Variants in DNAAF1 observed in about 807,000 individuals in gnomAD.
DNAAF1 encodes dynein axonemal assembly factor 1, also known as dynein assembly factor 1, axonemal.
Under a neutral mutation model 71.1 loss-of-function variants are expected in DNAAF1, and 65 were observed. The ratio of observed to expected loss-of-function variants is 0.91; its 90% CI spans 0.75 to 1.12. The LOEUF is 1.12. DNAAF1 is among the 50% of genes most tolerant of loss of function. DNAAF1 has a pLI of 0.00. For missense variants in DNAAF1, 1,178 were observed against 899.8 expected (o/e 1.31, Z -3.96); for synonymous variants, 414 against 354.6 (o/e 1.17, Z -1.88).
intron 8 of DNAAF1, among the ~76,000 whole-genome samples, chr16:84,171,556 G>T (rs1012229485): frequency 2.0e-5 from 3 of 152,230 alleles, no homozygotes; most frequent in African/African-American, 7.2e-5. Context: ...TTATGAAACT[G>T]CACAAGCTCT....
intron 5 of DNAAF1, chr16:84,159,104 TGGCAG>T (rs2151232751): frequency 1.0e-6 from 1 of 992,734 alleles, no homozygotes; most frequent in Admixed American, 5.7e-5. Flanking sequence ...TGGGGGAGGA[TGGCAG>T]GTCGGATTGC....
chr16:84,170,749 T>C (rs754479921), intron 8 of DNAAF1, among the ~76,000 whole-genome samples: 5 of 152,012 alleles, frequency 3.3e-5, no homozygotes, highest in Non-Finnish European at 5.9e-5. Flanking sequence ...AGAGGATTGC[T>C]TGAGCCCCAG....
At chr16:84,174,042 T>G in intron 9 of DNAAF1, 1 of 252,618 alleles carries the variant, frequency 4.0e-6, no homozygotes, top group Non-Finnish European at 6.5e-6. Flanking sequence ...CAGTACATAC[T>G]ATTATCATCC....
chr16:84,171,238 C>T (rs944057816), intron 8 of DNAAF1, among the ~76,000 whole-genome samples: 7 of 152,220 alleles, frequency 4.6e-5, no homozygotes, highest in Admixed American at 2.0e-4. Context: ...GAGTTCGAGA[C>T]CAGCCTGGCC....
intron 6 of DNAAF1, among the ~76,000 whole-genome samples, chr16:84,163,351 C>G (rs1435283552): frequency 1.3e-5 from 2 of 151,076 alleles, no homozygotes; most frequent in African/African-American, 2.4e-5. Context: ...TTCGGGTTGC[C>G]TGTCTTTTTT....
chr16:84,166,763 A>G (rs2088030195), intron 7 of DNAAF1, among the ~76,000 whole-genome samples: 1 of 152,212 alleles, frequency 6.6e-6, no homozygotes, highest in African/African-American at 2.4e-5. Flanking sequence ...AACCTCAAAC[A>G]GTGATGAGCT....
chr16:84,173,789 G>A (rs150257355), intron 9 of DNAAF1: 2,000 of 153,526 alleles, frequency 0.013, 23 homozygotes, highest in African/African-American at 0.022. Context: ...CCTGGGAGGC[G>A]GAGGTTGCAG....
chr16:84,147,225 G>A (rs780896270), intron 1 of DNAAF1, among the ~76,000 whole-genome samples: 4 of 152,132 alleles, frequency 2.6e-5, no homozygotes, highest in Non-Finnish European at 4.4e-5. Flanking sequence ...TATATTGAGC[G>A]CTTATTCTTT....
At chr16:84,175,909 A>G (rs778817925) in intron 10 of DNAAF1, 24 bp from the exon 11 acceptor site, 1 of 1,613,268 alleles carries the variant, frequency 6.2e-7, no homozygotes, top group Non-Finnish European at 8.5e-7. Context: ...AGAAACTTTC[A>G]GACACCTTTT....
intron 6 of DNAAF1, among the ~76,000 whole-genome samples, chr16:84,161,510 G>A (rs1419825865): frequency 6.6e-6 from 1 of 152,090 alleles, no homozygotes; most frequent in Non-Finnish European, 1.5e-5. Flanking sequence ...GATTACAGGC[G>A]TGCACCACCA....
At chr16:84,162,349 T>TC (rs2087754196) in intron 6 of DNAAF1, 1 of 152,092 alleles carries the variant, frequency 6.6e-6, no homozygotes, top group Non-Finnish European at 1.5e-5. Flanking sequence ...ACGGCTGTAA[T>TC]CCCAGCACTT....
chr16:84,174,618 T>C (rs370131347), intron 9 of DNAAF1, 51 bp from the exon 10 acceptor site: 1,108 of 1,613,996 alleles, frequency 6.9e-4, no homozygotes, highest in Middle Eastern at 1.8e-3. Context: ...TATCAGAACG[T>C]TGACAGTGCG....
rs772387329 is a variant in DNAAF1, at chr16:84,150,288, C to T, written c.298C>T (p.His100Tyr). Residue 100 changes from histidine to tyrosine, a missense_variant, in exon 3 of 12, where the codon CAC becomes TAC. His to Tyr is a moderately conservative substitution (Grantham distance 83, BLOSUM62 2). Transcript: ENST00000378553. ...TTCCCTGCAAAAACTCTGCAAGCAGCACAAGCTTTATATTACCCCAGCATT... is the reference window on the plus strand; with the variant it reads ...TTCCCTGCAAAAACTCTGCAAGCAGTACAAGCTTTATATTACCCCAGCATT... ...KSSLQKLCKQHKLYITPALND... is the reference protein window; with the variant it reads ...KSSLQKLCKQYKLYITPALND... 1.9e-6 allele frequency: 3 copies of T among 1,614,042 alleles called. No individual in the cohort carries two copies. The highest frequency in any genetic ancestry group is 2.5e-6 in the Non-Finnish European group (3 of 1,179,902).
At chr16:84,157,365 A>G (rs2087489181) in intron 5 of DNAAF1, among the ~76,000 whole-genome samples, 1 of 151,840 alleles carries the variant, frequency 6.6e-6, no homozygotes, top group African/African-American at 2.4e-5. Flanking sequence ...TCTACTAACA[A>G]TACAAAAATT....
At chr16:84,160,794 G>A (rs1426997357) in intron 6 of DNAAF1, among the ~76,000 whole-genome samples, 9 of 151,302 alleles carry the variant, frequency 5.9e-5, no homozygotes, top group Middle Eastern at 3.2e-3. Flanking sequence ...AATTAGCCGG[G>A]CGTGGTGGTG....
In DNAAF1 at chr16:84,155,723, A is replaced by C; in HGVS notation, c.715A>C (p.Ser239Arg). The C allele has an allele frequency of 1.2e-6, 2 of 1,614,132 alleles. No homozygotes were observed. The highest frequency in any genetic ancestry group is 1.7e-6 in the Non-Finnish European group (2 of 1,180,008). ...CAAGCTGAGTGACCCGGAGATCCTG[A>C]GCATTCTGGAAAGCATGCCCGATTT... is the stretch of plus-strand genomic sequence containing the variant. ...HNKLSDPEIL[S>R]ILESMPDLRV... Residue 239 changes from serine (S) to arginine (R), a missense_variant, in exon 5 of 12, where the codon AGC becomes CGC. Physicochemically the swap from Ser to Arg is moderately radical, Grantham distance 110. Coordinates refer to ENST00000378553, the MANE Select transcript of DNAAF1 (RefSeq NM_178452.6).
At chr16:84,174,269 A>T in intron 9 of DNAAF1, 1 of 1,077,624 alleles carries the variant, frequency 9.3e-7, no homozygotes, top group Non-Finnish European at 1.1e-6. Context: ...AAAGTCCTAC[A>T]AGTTTTGGGG....
chr16:84,154,187 G>T (rs6564001), intron 3 of DNAAF1, among the ~76,000 whole-genome samples: 6 of 152,278 alleles, frequency 3.9e-5, no homozygotes, highest in African/African-American at 1.4e-4. Flanking sequence ...GTGGCTTGTA[G>T]ACAACAAAAA....
chr16:84,163,665 C>T (rs2087826269), intron 6 of DNAAF1, among the ~76,000 whole-genome samples: 1 of 152,070 alleles, frequency 6.6e-6, no homozygotes, highest in South Asian at 2.1e-4. Context: ...AGGTGTGAGC[C>T]ACCGCACCCA....
Sources: gnomAD v4.1 joint callset for allele counts (sites outside exome capture counted in the v4.1 genomes callset) on GRCh38, gnomAD v4.1.1 for gene constraint, MANE v1.5 for transcripts, NCBI Gene and HGNC (gene_info 2026-07-23, HGNC 2026-07-21) for gene names.